The following SLC18A1 variants were observed in gnomAD, a reference collection of about 807,000 sequenced individuals.
SLC18A1 encodes chromaffin granule amine transporter.
Under a neutral mutation model 53.7 loss-of-function variants are expected in SLC18A1, and 69 were observed. That is an observed-to-expected ratio of 1.28 (90% CI 1.06 to 1.57). The LOEUF is 1.57. Ranked by LOEUF, SLC18A1 falls within the 40% of genes most tolerant of loss-of-function variation. The probability of loss-of-function intolerance (pLI) is 0.00; values close to 1 mark genes in which losing one functional copy is unlikely to be tolerated. For missense variants in SLC18A1, 932 were observed against 668.1 expected (o/e 1.40, Z -4.35); for synonymous variants, 320 against 248.1 (o/e 1.29, Z -2.72).
intron 8 of SLC18A1, among the ~76,000 whole-genome samples, chr8:20,167,267 T>G (rs997943611): frequency 6.6e-6 from 1 of 152,194 alleles, no homozygotes; most frequent in Non-Finnish European, 1.5e-5. Context: ...CTATATTCAT[T>G]AAGTCTAAGG....
At chr8:20,172,458 T>A (rs1044221177) in intron 6 of SLC18A1, among the ~76,000 whole-genome samples, 2 of 152,180 alleles carry the variant, frequency 1.3e-5, no homozygotes, top group African/African-American at 4.8e-5. Context: ...ACTGGCACTG[T>A]GCTTGGCATG....
intron 8 of SLC18A1, among the ~76,000 whole-genome samples, chr8:20,168,747 T>C (rs908043577): frequency 1.3e-5 from 2 of 152,174 alleles, no homozygotes; most frequent in Non-Finnish European, 2.9e-5. Flanking sequence ...TTTTTGTACT[T>C]TTAGCAGAGA....
Position 20,145,675 on chromosome 8 carries a change from C to T in SLC18A1, c.*88G>A. On this transcript the variant is annotated 3_prime_UTR_variant, in exon 16 of 16. Coordinates refer to ENST00000276373, the MANE Select transcript of SLC18A1 (RefSeq NM_003053.4). ...CCCAGGCAGAGGTATGTGAAGCCCA[C>T]TGAGCCGTGGGCTCAGCCATGGTGA... is the stretch of plus-strand genomic sequence containing the variant. 1 of 755,902 alleles carries T rather than the reference C, an allele frequency of 1.3e-6. No individual in the cohort carries two copies. 46.8% of individuals were successfully genotyped at this position (755,902 alleles called of 1,614,324 possible).
chr8:20,168,321 C>T (rs2072024384), intron 8 of SLC18A1, among the ~76,000 whole-genome samples: 1 of 151,900 alleles, frequency 6.6e-6, no homozygotes. Context: ...GAGCCATGAT[C>T]ACACCTCTAC....
chr8:20,178,119 ATAACACACAC>A (rs1280158606), intron 4 of SLC18A1, among the ~76,000 whole-genome samples: 2 of 85,602 alleles, frequency 2.3e-5, no homozygotes, highest in South Asian at 3.5e-4. Context: ...ACTGATGCAT[ATAACACACAC>A]ACACACACAC....
intron 5 of SLC18A1, among the ~76,000 whole-genome samples, chr8:20,174,031 G>C (rs936843006): frequency 6.6e-6 from 1 of 151,918 alleles, no homozygotes; most frequent in East Asian, 1.9e-4. Flanking sequence ...CAAGTAGCTG[G>C]GACCACAGGT....
intron 5 of SLC18A1, among the ~76,000 whole-genome samples, chr8:20,173,666 T>A (rs1463836291): frequency 3.9e-5 from 6 of 152,184 alleles, no homozygotes; most frequent in Non-Finnish European, 8.8e-5. Flanking sequence ...ACCAGTACTT[T>A]GAAAACTGTG....
chr8:20,149,668 A>G lies in SLC18A1; in HGVS notation c.1146+8T>C, dbSNP rs891950510. The G allele has an allele frequency of 5.6e-6, 9 of 1,609,566 alleles. No individual in the cohort carries two copies. Among genetic ancestry groups the G allele is most frequent in the Admixed American group, 5.0e-5 (3 of 59,660 alleles). On this transcript the variant is annotated splice_region_variant and intron_variant, in intron 12 of 15. Coordinates refer to ENST00000276373, the MANE Select transcript of SLC18A1 (RefSeq NM_003053.4). ...TCCTTCCCCTCCCCCAGGTCTTCTTATACTTACACAGAGCAAGCTGGTACC... is the reference window on the plus strand; with the variant it reads ...TCCTTCCCCTCCCCCAGGTCTTCTTGTACTTACACAGAGCAAGCTGGTACC...
intron 4 of SLC18A1, chr8:20,176,022 C>T (rs1299294707): frequency 6.6e-6 from 1 of 152,156 alleles, no homozygotes; most frequent in Non-Finnish European, 1.5e-5. Flanking sequence ...CCCACAAAAA[C>T]AGGAAGTCTT....
chr8:20,174,651 A>G (rs2072212297), intron 4 of SLC18A1, among the ~76,000 whole-genome samples: 1 of 152,176 alleles, frequency 6.6e-6, no homozygotes, highest in African/African-American at 2.4e-5. Context: ...AAACTGAGAA[A>G]CCACAGAAGT....
chr8:20,178,503 A>G lies in SLC18A1; in HGVS notation c.489-10T>C, dbSNP rs768817211. The G allele has an allele frequency of 1.3e-6, 2 of 1,559,356 alleles. No homozygotes were observed. The highest frequency in any genetic ancestry group is 2.3e-5 in the South Asian group (2 of 85,532). On this transcript the variant is annotated splice_polypyrimidine_tract_variant and intron_variant, in intron 3 of 15. Transcript: ENST00000276373. ...GATATGATATCCAATCCTAAAAGGGAATTGAAAAAAAAAAAGATACAATTC... is the reference window on the plus strand; with the variant it reads ...GATATGATATCCAATCCTAAAAGGGGATTGAAAAAAAAAAAGATACAATTC...
In SLC18A1 at chr8:20,150,653, C is replaced by G. The variant is rs2270649; in HGVS notation, c.1094+13G>C. On this transcript the variant is annotated intron_variant, in intron 11 of 15. Transcript: ENST00000276373. ...CATTTCTACTGTTCGTCCCAGATCC[C>G]GAGGCTACATACCGACCCATCTTGT... The G allele has an allele frequency of 1.2e-6, 2 of 1,611,818 alleles. No homozygotes were observed. Among genetic ancestry groups the G allele is most frequent in the East Asian group, 2.2e-5 (1 of 44,850 alleles).
chr8:20,171,369 G>A (rs1563759372), intron 7 of SLC18A1, 36 bp downstream of exon 7: 1 of 1,562,304 alleles, frequency 6.4e-7, no homozygotes, highest in Non-Finnish European at 8.8e-7. Context: ...ACCTGACCTG[G>A]GCTGTCACCT....
chr8:20,173,248 G>A (rs369560674), intron 5 of SLC18A1, 120 bp from the exon 6 acceptor site: 11 of 740,438 alleles, frequency 1.5e-5, no homozygotes, highest in East Asian at 8.2e-5. Flanking sequence ...TCAGTTTGAG[G>A]GGTTTTACAA....
rs1024662048 is a variant in SLC18A1 at position 20,168,201 on chromosome 8, C to T, written c.858+2902G>A. Among the ~76,000 whole-genome samples, 54 of 151,950 alleles carry T rather than the reference C, an allele frequency of 3.6e-4. 1 individual carries two copies. Among genetic ancestry groups the T allele is most frequent in the Middle Eastern group, 3.4e-3 (1 of 294 alleles). ...CCAGCCTGGGCAACACAGGCAGACC[C>T]GGTCTCTATAAAAAGTTAAGCTGGG... On this transcript the variant is annotated intron_variant, in intron 8 of 15. Transcript: ENST00000276373.
intron 10 of SLC18A1, among the ~76,000 whole-genome samples, chr8:20,155,568 T>C (rs138826922): frequency 6.6e-6 from 1 of 152,334 alleles, no homozygotes; most frequent in East Asian, 1.9e-4. Context: ...CAGAAGTCTC[T>C]ACTCTATAGT....
At chr8:20,164,339 T>A (rs987607120) in intron 10 of SLC18A1, among the ~76,000 whole-genome samples, 8 of 152,060 alleles carry the variant, frequency 5.3e-5, no homozygotes, top group African/African-American at 1.9e-4. Context: ...CATACACCCC[T>A]TTTTAGAGGT....
At chr8:20,158,414 A>G (rs1484830720) in intron 10 of SLC18A1, among the ~76,000 whole-genome samples, 3 of 152,160 alleles carry the variant, frequency 2.0e-5, no homozygotes, top group African/African-American at 7.2e-5. Flanking sequence ...CTGAACATAC[A>G]GAAGGAACAC....
In SLC18A1 at chr8:20,180,966, G is replaced by T. The variant is rs2072413319; in HGVS notation, c.-2C>A. On this transcript the variant is annotated 5_prime_UTR_variant, in exon 2 of 16. Transcript: ENST00000276373. ...AGCATCCAGAATGGTCCGGAGCATG[G>T]TGATGGCCGGACTGGGGCAGTCTTC... 3 of 1,563,628 alleles carry T rather than the reference G, an allele frequency of 1.9e-6. No homozygotes were observed. Among genetic ancestry groups the T allele is most frequent in the East Asian group, 2.4e-5 (1 of 41,452 alleles).
Sources: gnomAD v4.1 joint callset for allele counts (sites outside exome capture counted in the v4.1 genomes callset) on GRCh38, gnomAD v4.1.1 for gene constraint, MANE v1.5 for transcripts, NCBI Gene and HGNC (gene_info 2026-07-23, HGNC 2026-07-21) for gene names.